The following DENND2B variants were observed in gnomAD, a reference collection of about 807,000 sequenced individuals.
The protein encoded by DENND2B is DENN domain containing 2B.
In DENND2B, 32 loss-of-function variants were observed where a neutral mutation model predicts 116.0. The ratio of observed to expected loss-of-function variants is 0.28; its 90% CI spans 0.21 to 0.37. The LOEUF is 0.37. Ranked by LOEUF, DENND2B falls within the 10% of genes least tolerant of loss-of-function variation. The pLI is 1.00. For missense variants in DENND2B, 1,276 were observed against 1,477.7 expected (o/e 0.86, Z 2.24); for synonymous variants, 588 against 583.9 (o/e 1.01, Z -0.10).
intron 1 of DENND2B, among the ~76,000 whole-genome samples, chr11:8,759,096 C>G (rs1229119373): frequency 6.6e-6 from 1 of 152,204 alleles, no homozygotes; most frequent in East Asian, 1.9e-4. Context: ...ATCCCATCAC[C>G]TGATCCACAG....
At chr11:8,846,410 G>T (rs2062815153) in intron 3 of DENND2B, among the ~76,000 whole-genome samples, 1 of 152,212 alleles carries the variant, frequency 6.6e-6, no homozygotes, top group African/African-American at 2.4e-5. Context: ...GTGGAGGACA[G>T]TATCATCCGA....
At chr11:8,905,822 G>A (rs1178128556) in intron 1 of DENND2B, among the ~76,000 whole-genome samples, 3 of 151,702 alleles carry the variant, frequency 2.0e-5, no homozygotes, top group Non-Finnish European at 4.4e-5. Flanking sequence ...TCATATAACG[G>A]GATAGTATTC....
In DENND2B at chr11:8,730,941, T is replaced by C. The variant is rs753635732; in HGVS notation, c.349A>G (p.Ser117Gly). The C allele has an allele frequency of 4.1e-5, 66 of 1,614,094 alleles. No homozygotes were observed. Among genetic ancestry groups the C allele is most frequent in the Admixed American group, 3.3e-4 (20 of 60,014 alleles). Residue 117 changes from serine (S) to glycine (G), a missense_variant, in exon 3 of 20, where the codon AGT (serine) becomes GGT (glycine). Physicochemically the swap from Ser to Gly is moderately conservative, Grantham distance 56. Transcript: ENST00000313726. The surrounding 1 kb of genome is among the most constrained non-coding windows in gnomAD (Gnocchi z 4.1). ...ACATCCTGGGCTGCGCCTTGGACAC[T>C]TTCCTTTTGGGCGTCTCTCTTGCAC... ...SACKRDAQKE[S>G]VQGAAQDVAG...
intron 1 of DENND2B, among the ~76,000 whole-genome samples, chr11:8,775,835 C>T (rs560193409): frequency 6.6e-6 from 1 of 152,248 alleles, no homozygotes; most frequent in African/African-American, 2.4e-5. Context: ...CAGTGCCAGC[C>T]CATAGGAGGC....
intron 1 of DENND2B, among the ~76,000 whole-genome samples, chr11:8,803,118 C>T (rs555666967): frequency 2.0e-5 from 3 of 152,270 alleles, no homozygotes; most frequent in Middle Eastern, 3.4e-3. Flanking sequence ...GGTGTGGTGG[C>T]TCACATCTGT....
At chr11:8,726,235 T>G (rs1346518647) in intron 3 of DENND2B, 26 bp from the exon 4 acceptor site, 1 of 1,589,510 alleles carries the variant, frequency 6.3e-7, no homozygotes, top group Non-Finnish European at 8.6e-7. Flanking sequence ...GCAAGAGTCA[T>G]TCCTGCTGAA....
chr11:8,698,166 A>AAAAAAAAAGG (rs1555092981), intron 16 of DENND2B, among the ~76,000 whole-genome samples: 1 of 129,448 alleles, frequency 7.7e-6, no homozygotes, highest in Non-Finnish European at 1.6e-5. Flanking sequence ...AAAAAAAAAA[A>AAAAAAAAAGG]GGGGGTAGAG....
chr11:8,825,465 T>A (rs1295298032), intron 4 of DENND2B, among the ~76,000 whole-genome samples: 1 of 152,172 alleles, frequency 6.6e-6, no homozygotes, highest in Non-Finnish European at 1.5e-5. Context: ...GAATTCTATT[T>A]GCTAGTATTC....
At chr11:8,844,529 C>T (rs2062737889) in intron 3 of DENND2B, among the ~76,000 whole-genome samples, 1 of 103,646 alleles carries the variant, frequency 9.6e-6, no homozygotes, top group Non-Finnish European at 2.1e-5. Context: ...TTTAAAAGAA[C>T]ATACATTTTA....
In DENND2B at chr11:8,834,501, T is replaced by C. The variant is rs142777011; in HGVS notation, c.-115+4809A>G. Among the ~76,000 whole-genome samples the C allele has an allele frequency of 7.4e-3, 1,134 of 152,332 alleles. 10 individuals are homozygous for C. The highest frequency in any genetic ancestry group is 0.013 in the Non-Finnish European group (886 of 68,016). ...TGATTTTCAAAGTGGGAGAATTTCA[T>C]TGGGTTTTAAGCTCAAGTTTTTCCC... On this transcript the variant is annotated intron_variant, in intron 4 of 6. Transcript: ENST00000524757.
intron 1 of DENND2B, among the ~76,000 whole-genome samples, chr11:8,755,197 T>C (rs1474458997): frequency 6.6e-6 from 1 of 152,162 alleles, no homozygotes; most frequent in Non-Finnish European, 1.5e-5. Flanking sequence ...AAACAGTAGT[T>C]CTCTCCCTCT....
intron 1 of DENND2B, among the ~76,000 whole-genome samples, chr11:8,752,928 C>G (rs1324431480): frequency 6.6e-6 from 1 of 152,112 alleles, no homozygotes; most frequent in Non-Finnish European, 1.5e-5. Flanking sequence ...GTGCAGGATA[C>G]AAAATCAATA....
At chr11:8,909,439 A>AGGAAGAAGAAGG (rs1555224065) in intron 1 of DENND2B, among the ~76,000 whole-genome samples, 2 of 149,230 alleles carry the variant, frequency 1.3e-5, no homozygotes, top group Non-Finnish European at 3.0e-5. Flanking sequence ...GAGGAGGAGG[A>AGGAAGAAGAAGG]AGAAGGAGAA....
chr11:8,774,410 A>C, intron 1 of DENND2B: 1 of 806,964 alleles, frequency 1.2e-6, no homozygotes, highest in Non-Finnish European at 1.5e-6. Flanking sequence ...ATTAGAATCT[A>C]GTGTCACTGC....
chr11:8,888,361 G>A (rs2063985909), intron 1 of DENND2B, among the ~76,000 whole-genome samples: 1 of 152,136 alleles, frequency 6.6e-6, no homozygotes, highest in African/African-American at 2.4e-5. Flanking sequence ...CAGAGAAAGA[G>A]GCTGGTGGCC....
intron 3 of DENND2B, among the ~76,000 whole-genome samples, chr11:8,840,849 C>T (rs1018721335): frequency 4.6e-5 from 7 of 150,844 alleles, no homozygotes; most frequent in African/African-American, 1.7e-4. Context: ...GAACTGAAAG[C>T]CTAAGAACTG....
At chr11:8,861,515 T>G (rs2063389709) in intron 2 of DENND2B, among the ~76,000 whole-genome samples, 1 of 152,128 alleles carries the variant, frequency 6.6e-6, no homozygotes, top group South Asian at 2.1e-4. Flanking sequence ...TAGCCATTAC[T>G]AAAAAGTCAA....
At chr11:8,731,573 G>A (rs1364533259) in intron 2 of DENND2B, among the ~76,000 whole-genome samples, 1 of 152,206 alleles carries the variant, frequency 6.6e-6, no homozygotes, top group Admixed American at 6.5e-5. Flanking sequence ...GTTCTCAGAA[G>A]GTGTGGTGGC....
intron 1 of DENND2B, chr11:8,785,436 A>T (rs1001362386): frequency 2.6e-5 from 4 of 152,230 alleles, no homozygotes; most frequent in Admixed American, 2.0e-4. Flanking sequence ...GAAAAGGAGG[A>T]TACAGACCAA....
Sources: gnomAD v4.1 joint callset for allele counts (sites outside exome capture counted in the v4.1 genomes callset) on GRCh38, gnomAD v4.1.1 for gene constraint, Gnocchi (gnomAD v3.1) non-coding constraint, MANE v1.5 for transcripts, NCBI Gene and HGNC (gene_info 2026-07-23, HGNC 2026-07-21) for gene names.